The following KSR2 variants were observed in gnomAD, a reference collection of about 807,000 sequenced individuals.
KSR2 encodes the protein kinase suppressor of ras 2.
KSR2 carries 25 observed loss-of-function variants against 107.8 expected under a neutral mutation model. That is an observed-to-expected ratio of 0.23 (90% CI 0.17 to 0.32). The LOEUF (loss-of-function observed/expected upper bound fraction) is 0.32. Ranked by LOEUF, KSR2 falls within the 10% of genes least tolerant of loss-of-function variation. The probability of loss-of-function intolerance (pLI) is 1.00; values close to 1 mark genes in which losing one functional copy is unlikely to be tolerated. For missense variants in KSR2, 887 were observed against 1,268.9 expected (o/e 0.70, Z 4.57); for synonymous variants, 480 against 507.0 (o/e 0.95, Z 0.71).
chr12:117,848,811 T>TGGTGGTG (rs1182796218), intron 3 of KSR2, among the ~76,000 whole-genome samples: 4 of 147,662 alleles, frequency 2.7e-5, no homozygotes, highest in South Asian at 2.2e-4. Flanking sequence ...ACAACAGTGA[T>TGGTGGTG]GGTGGTGGGT....
At chr12:117,900,717 T>C (rs1894654956) in intron 1 of KSR2, among the ~76,000 whole-genome samples, 1 of 152,146 alleles carries the variant, frequency 6.6e-6, no homozygotes, top group South Asian at 2.1e-4. Flanking sequence ...CCCAATCCCA[T>C]ATTTAAGAAT....
At chr12:117,535,835 G>C (rs1173594676) in intron 10 of KSR2, among the ~76,000 whole-genome samples, 1 of 152,096 alleles carries the variant, frequency 6.6e-6, no homozygotes, top group Admixed American at 6.6e-5. Context: ...CCATGTTACT[G>C]ATGAGAAACA....
chr12:117,542,871 C>CT (rs1203359081), intron 9 of KSR2, among the ~76,000 whole-genome samples: 1 of 152,152 alleles, frequency 6.6e-6, no homozygotes, highest in African/African-American at 2.4e-5. Context: ...TTCAGATTGC[C>CT]TTTTTTCACT....
intron 3 of KSR2, among the ~76,000 whole-genome samples, chr12:117,825,565 G>A (rs499313): frequency 0.67 from 101,754 of 151,984 alleles, 34,827 homozygotes; most frequent in African/African-American, 0.8. Context: ...ACTTTGTCAG[G>A]AAGACCTTCC....
chr12:117,648,938 TAC>T (rs1354850263), intron 5 of KSR2, among the ~76,000 whole-genome samples: 9 of 152,224 alleles, frequency 5.9e-5, no homozygotes, highest in Non-Finnish European at 1.3e-4. Flanking sequence ...TGAACAGTGC[TAC>T]AGATGCGCAA....
intron 4 of KSR2, among the ~76,000 whole-genome samples, chr12:117,755,870 T>C (rs1395817511): frequency 6.6e-6 from 1 of 152,198 alleles, no homozygotes; most frequent in Non-Finnish European, 1.5e-5. Flanking sequence ...ACATGAATGA[T>C]AGGAAAATAA....
At chr12:117,791,702 C>T (rs1013824315) in intron 3 of KSR2, among the ~76,000 whole-genome samples, 9 of 152,184 alleles carry the variant, frequency 5.9e-5, no homozygotes, top group African/African-American at 2.2e-4. Flanking sequence ...ACTTGAAGGA[C>T]ATTTGAATGG....
intron 4 of KSR2, among the ~76,000 whole-genome samples, chr12:117,759,878 C>T (rs1174509402): frequency 2.6e-5 from 4 of 152,192 alleles, no homozygotes; most frequent in Non-Finnish European, 5.9e-5. Flanking sequence ...GAGGCCAAGG[C>T]GGGCAGATCA....
chr12:117,924,939 C>T (rs142999563), intron 1 of KSR2, among the ~76,000 whole-genome samples: 3 of 152,038 alleles, frequency 2.0e-5, no homozygotes, highest in Non-Finnish European at 4.4e-5. Context: ...TTTTAAAAGG[C>T]CTTACCTGTT....
intron 3 of KSR2, among the ~76,000 whole-genome samples, chr12:117,812,440 C>G (rs1398139947): frequency 6.6e-6 from 1 of 152,048 alleles, no homozygotes; most frequent in Non-Finnish European, 1.5e-5. Flanking sequence ...CTTTATATTT[C>G]TATTAGAGAG....
chr12:117,699,277 G>A (rs1307144856), intron 4 of KSR2, among the ~76,000 whole-genome samples: 2 of 152,308 alleles, frequency 1.3e-5, no homozygotes, highest in South Asian at 2.1e-4. Context: ...AAATGGCAGA[G>A]AGAATTATGG....
rs1267494753 is a variant in KSR2, at chr12:117,841,607, C to CA, written c.472+13820dup. On this transcript the variant is annotated intron_variant, in intron 3 of 19. Transcript: ENST00000339824. ...CCAGTGTAAGCTGCTACAAAAGCCC[C>CA]AAAGGGTTGCTCCCTCAAGCTGAGC... is the stretch of plus-strand genomic sequence containing the variant. Among the ~76,000 whole-genome samples, 3 of 152,280 alleles carry CA rather than the reference C, an allele frequency of 2.0e-5. No individual in the cohort carries two copies. The East Asian group carries it at 5.8e-4, about 29-fold the overall frequency.
chr12:117,621,875 C>T (rs1882216923), intron 5 of KSR2, among the ~76,000 whole-genome samples: 2 of 152,120 alleles, frequency 1.3e-5, no homozygotes, highest in East Asian at 1.9e-4. Flanking sequence ...ACAAGCCAAC[C>T]TCTACCACTG....
At chr12:117,649,874 C>T (rs1230806944) in intron 5 of KSR2, among the ~76,000 whole-genome samples, 1 of 152,182 alleles carries the variant, frequency 6.6e-6, no homozygotes, top group Admixed American at 6.5e-5. Context: ...GAGACACAGC[C>T]TGCTAATTCA....
At chr12:117,810,295 T>A (rs569022384) in intron 3 of KSR2, among the ~76,000 whole-genome samples, 1 of 152,286 alleles carries the variant, frequency 6.6e-6, no homozygotes, top group South Asian at 2.1e-4. Flanking sequence ...CGAAAATAAA[T>A]CCTCTCTCAA....
intron 1 of KSR2, among the ~76,000 whole-genome samples, chr12:117,950,802 T>TG (rs376922570): frequency 1.0e-3 from 154 of 149,650 alleles, no homozygotes; most frequent in African/African-American, 3.7e-3. Context: ...AAAAATACAC[T>TG]GGGGGAAAAC....
intron 1 of KSR2, among the ~76,000 whole-genome samples, chr12:117,953,299 C>T (rs754208410): frequency 1.4e-4 from 21 of 152,146 alleles, no homozygotes; most frequent in Non-Finnish European, 2.2e-4. Flanking sequence ...ATAGCATTAC[C>T]GTATAACCCA....
intron 3 of KSR2, among the ~76,000 whole-genome samples, chr12:117,833,167 C>A (rs896419184): frequency 8.5e-5 from 13 of 152,180 alleles, no homozygotes; most frequent in Non-Finnish European, 1.5e-5. Context: ...TGAATTCTAT[C>A]TCCTCCCTTT....
intron 18 of KSR2, among the ~76,000 whole-genome samples, chr12:117,470,964 G>A (rs1392979456): frequency 6.6e-6 from 1 of 152,198 alleles, no homozygotes; most frequent in East Asian, 1.9e-4. Flanking sequence ...GGAAAAACCT[G>A]ACCACGTGTT....
Sources: allele counts gnomAD v4.1 joint callset (sites outside exome capture counted in the v4.1 genomes callset), GRCh38; gene constraint gnomAD v4.1.1; transcripts MANE v1.5; gene names NCBI Gene and HGNC (gene_info 2026-07-23, HGNC 2026-07-21).